Variants in RARB observed in about 807,000 individuals in gnomAD.
RARB encodes the protein retinoic acid receptor beta.
A neutral mutation model predicts 51.9 loss-of-function variants in RARB; 17 were observed. The observed-to-expected ratio is 0.33, with a 90% CI of 0.22 to 0.49. The LOEUF (loss-of-function observed/expected upper bound fraction) is 0.49. Among genes scored for constraint, RARB ranks in the 20% least tolerant of loss-of-function variants. The pLI is 0.99. For missense variants in RARB, 369 were observed against 550.8 expected, an observed-to-expected ratio of 0.67 and a Z score of 3.30; for synonymous variants, 215 against 195.4, an observed-to-expected ratio of 1.10 and a Z score of -0.84.
chr3:24,903,255 A>C (rs1019313193), intron 2 of RARB, among the ~76,000 whole-genome samples: 7 of 152,050 alleles, frequency 4.6e-5, no homozygotes, highest in Admixed American at 2.6e-4. Flanking sequence ...TGGTACAGAA[A>C]TAGGAAATAA....
chr3:25,186,884 C>CGT (rs1559497305), intron 5 of RARB, among the ~76,000 whole-genome samples: 2 of 58,820 alleles, frequency 3.4e-5, no homozygotes, highest in African/African-American at 5.7e-5. Flanking sequence ...AAAAGGTAAG[C>CGT]CTGTGTGTGT....
intron 4 of RARB, among the ~76,000 whole-genome samples, chr3:25,164,829 T>A (rs1700534436): frequency 6.6e-6 from 1 of 152,210 alleles, no homozygotes; most frequent in African/African-American, 2.4e-5. Context: ...TATCTTAAAT[T>A]ATAAACTACA....
intron 5 of RARB, among the ~76,000 whole-genome samples, chr3:25,374,154 T>C (rs778279340): frequency 2.6e-5 from 4 of 152,062 alleles, no homozygotes; most frequent in Non-Finnish European, 4.4e-5. Flanking sequence ...TAGCTGGATG[T>C]GGAAGGCAGG....
intron 5 of RARB, among the ~76,000 whole-genome samples, chr3:25,204,066 C>G (rs1391209581): frequency 6.6e-6 from 1 of 152,146 alleles, no homozygotes; most frequent in Non-Finnish European, 1.5e-5. Flanking sequence ...TCGGGTACAC[C>G]AATCAGATGT....
intron 2 of RARB, among the ~76,000 whole-genome samples, chr3:25,023,189 T>A (rs758840742): frequency 1.8e-4 from 27 of 152,144 alleles, no homozygotes; most frequent in Non-Finnish European, 8.8e-5. Flanking sequence ...TTTAAGAGCC[T>A]GATGTTACCA....
At chr3:25,047,352 G>A (rs181557901) in intron 2 of RARB, among the ~76,000 whole-genome samples, 17 of 152,204 alleles carry the variant, frequency 1.1e-4, no homozygotes, top group South Asian at 8.3e-4. Context: ...TTTTGGAAGC[G>A]TTCCAGCCCA....
chr3:25,581,249 A>G (rs948416911), intron 5 of RARB, among the ~76,000 whole-genome samples: 1 of 152,230 alleles, frequency 6.6e-6, no homozygotes, highest in Non-Finnish European at 1.5e-5. Flanking sequence ...ACCCAAAGCT[A>G]TGAGAGACCT....
chr3:25,331,714 C>CA (rs753687971), intron 5 of RARB, among the ~76,000 whole-genome samples: 3 of 152,006 alleles, frequency 2.0e-5, no homozygotes, highest in East Asian at 1.9e-4. Context: ...AAAAACCCTT[C>CA]AAAAAATCAA....
chr3:25,108,876 T>C (rs1699554118), intron 3 of RARB, among the ~76,000 whole-genome samples: 1 of 152,236 alleles, frequency 6.6e-6, no homozygotes, highest in African/African-American at 2.4e-5. Flanking sequence ...GCAGTATTTC[T>C]GTATCTCCTT....
At position 25,306,604 on chromosome 3, in the gene RARB, T is replaced by C. The variant is rs188532374; in HGVS notation, c.178+132029T>C. 2.2e-3 allele frequency among the ~76,000 whole-genome samples: 338 copies of C among 152,290 alleles called. 2 individuals are homozygous for C. The highest frequency in any genetic ancestry group is 6.1e-3 in the Admixed American group (94 of 15,296). On this transcript the variant is annotated intron_variant, in intron 5 of 11. Coordinates refer to the RARB transcript ENST00000383772. Reference sequence around the variant, plus strand: ...ATTGGAATGCTGCAACTGAAACATATTGATTTTCTGGCACTAGACTTTTTA... The same window carrying C: ...ATTGGAATGCTGCAACTGAAACATACTGATTTTCTGGCACTAGACTTTTTA...
chr3:25,072,918 T>G (rs1698799101), intron 3 of RARB, among the ~76,000 whole-genome samples: 1 of 151,984 alleles, frequency 6.6e-6, no homozygotes, highest in African/African-American at 2.4e-5. Flanking sequence ...CACCATGGTC[T>G]CGATCTCCTG....
intron 2 of RARB, among the ~76,000 whole-genome samples, chr3:24,952,850 A>G (rs1428538116): frequency 6.6e-6 from 1 of 151,724 alleles, no homozygotes; most frequent in Non-Finnish European, 1.5e-5. Flanking sequence ...CTTAAAAGGT[A>G]ACAACCCCCA....
intron 5 of RARB, among the ~76,000 whole-genome samples, chr3:25,242,068 G>C (rs894393675): frequency 1.3e-5 from 2 of 152,190 alleles, no homozygotes; most frequent in African/African-American, 2.4e-5. Context: ...ACCAGTGGAT[G>C]AGCTTCTTTT....
At chr3:24,911,505 C>G (rs972567770) in intron 2 of RARB, among the ~76,000 whole-genome samples, 1 of 152,166 alleles carries the variant, frequency 6.6e-6, no homozygotes, top group Non-Finnish European at 1.5e-5. Flanking sequence ...TGGGACCAAG[C>G]ATAAATGTTA....
At chr3:25,275,098 A>G (rs777195716) in intron 5 of RARB, among the ~76,000 whole-genome samples, 3 of 152,192 alleles carry the variant, frequency 2.0e-5, no homozygotes, top group African/African-American at 7.2e-5. Flanking sequence ...TCATGCTATC[A>G]GAGGTCACTG....
At chr3:24,904,159 G>A (rs549725726) in intron 2 of RARB, among the ~76,000 whole-genome samples, 5 of 152,244 alleles carry the variant, frequency 3.3e-5, no homozygotes, top group South Asian at 2.1e-4. Context: ...ACAGTTGAGC[G>A]AGTTCTTTAA....
At chr3:24,964,029 C>T (rs1435957237) in intron 2 of RARB, among the ~76,000 whole-genome samples, 1 of 152,046 alleles carries the variant, frequency 6.6e-6, no homozygotes, top group Non-Finnish European at 1.5e-5. Flanking sequence ...CAGAATTTCT[C>T]AGTATTTGAT....
rs1293018931 is a variant in RARB, at chr3:25,389,802, C to G, written c.179-71391C>G. 2.6e-5 allele frequency among the ~76,000 whole-genome samples: 4 copies of G among 152,132 alleles called. No individual in the cohort carries two copies. The South Asian group carries it at 8.3e-4, about 32-fold the overall frequency. ...GTGTGCATAGAAATAATTAAAATAA[C>G]TAGTTATCTTTGAAGTGCATTGGGG... On this transcript the variant is annotated intron_variant, in intron 5 of 11. Transcript: ENST00000383772.
At chr3:24,830,325 A>G (rs1702262400) in intron 1 of RARB, among the ~76,000 whole-genome samples, 1 of 51,360 alleles carries the variant, frequency 1.9e-5, no homozygotes, top group Non-Finnish European at 3.5e-5. Flanking sequence ...GATGTCTTGT[A>G]GGTGGACTCC....
Sources: allele counts gnomAD v4.1 joint callset (sites outside exome capture counted in the v4.1 genomes callset), GRCh38; gene constraint gnomAD v4.1.1; transcripts MANE v1.5; gene names NCBI Gene and HGNC (gene_info 2026-07-23, HGNC 2026-07-21).